USP15: variants seen among roughly 807,000 people sequenced by gnomAD.
USP15 encodes ubiquitin carboxyl-terminal hydrolase 15.
Under a neutral mutation model 127.1 loss-of-function variants are expected in USP15, and 18 were observed. That is an observed-to-expected ratio of 0.14 (90% CI 0.10 to 0.21). The LOEUF is 0.21. USP15 is among the 10% of genes least tolerant of loss of function. The pLI is 1.00. For missense variants in USP15, 805 were observed against 1,159.9 expected, an observed-to-expected ratio of 0.69 and a Z score of 4.44; for synonymous variants, 364 against 393.7, an observed-to-expected ratio of 0.92 and a Z score of 0.89.
intron 1 of USP15, among the ~76,000 whole-genome samples, chr12:62,280,949 A>G (rs973837866): frequency 6.6e-6 from 1 of 152,218 alleles, no homozygotes; most frequent in African/African-American, 2.4e-5. Flanking sequence ...TAATGACTTT[A>G]AGTCCATAAA....
chr12:62,330,544 C>T (rs904775883), intron 6 of USP15, among the ~76,000 whole-genome samples: 1 of 150,418 alleles, frequency 6.6e-6, no homozygotes, highest in Non-Finnish European at 1.5e-5. Flanking sequence ...CAAGATCACA[C>T]CACTACACCC....
chr12:62,337,255 TCTGCTTGATAG>T (rs2065495599), intron 6 of USP15, among the ~76,000 whole-genome samples: 1 of 152,152 alleles, frequency 6.6e-6, no homozygotes, highest in Non-Finnish European at 1.5e-5. Flanking sequence ...TCAGAAAACC[TCTGCTTGATAG>T]CTGTATTAGT....
At chr12:62,266,809 A>G (rs1399084603) in intron 1 of USP15, among the ~76,000 whole-genome samples, 2 of 152,122 alleles carry the variant, frequency 1.3e-5, no homozygotes, top group African/African-American at 2.4e-5. Flanking sequence ...CTACCAGCGG[A>G]CATTTATTAA....
At position 62,336,571 on chromosome 12, in the gene USP15, G is replaced by A. The variant is rs755876793; in HGVS notation, c.683+10638G>A. 1.5e-4 allele frequency: 120 copies of A among 807,112 alleles called. No individual in the cohort carries two copies. The African/African-American group carries it at 1.6e-3, about 10-fold the overall frequency. The allele number at this position is 807,112 out of a possible 1,614,324, so 50.0% of individuals were successfully genotyped here. On this transcript the variant is annotated intron_variant, in intron 6 of 21. Transcript: ENST00000280377. ...ATAGCTGTTAATATTTGTCATATTC[G>A]AAATTGAAATAAGATTTTAAGGTAT...
rs2068009746 is a variant in USP15 at position 62,410,386 on chromosome 12, G to A, written c.*6011G>A. On this transcript the variant is annotated 3_prime_UTR_variant, in exon 22 of 22. Coordinates refer to ENST00000280377, the MANE Select transcript of USP15 (RefSeq NM_001252078.2). ...CCTTATTTTAAAAAACAAAAAAAAA[G>A]TAAAGATGGGAAAATTACTTATAGT... 1 of 151,882 alleles carries A rather than the reference G, an allele frequency of 6.6e-6. No homozygotes were observed. Among genetic ancestry groups the A allele is most frequent in the Admixed American group, 6.6e-5 (1 of 15,232 alleles). 9.4% of individuals were successfully genotyped at this position (151,882 alleles called of 1,614,324 possible). A position where few individuals can be genotyped will look rare whatever the true frequency, so the allele number is the denominator to read the frequency against.
chr12:62,370,117 A>G lies in USP15; in HGVS notation c.916-11373A>G, dbSNP rs1472664388. On this transcript the variant is annotated intron_variant, in intron 8 of 21. Coordinates refer to ENST00000280377, the MANE Select transcript of USP15 (RefSeq NM_001252078.2). ...AGCCTCCCGAGTAGCTGGGACCACAAGCGTGCACCACCACTCCCGGCTAAT... is the reference window on the plus strand; with the variant it reads ...AGCCTCCCGAGTAGCTGGGACCACAGGCGTGCACCACCACTCCCGGCTAAT... Among the ~76,000 whole-genome samples, 5 of 152,102 alleles carry G rather than the reference A, an allele frequency of 3.3e-5. No individual in the cohort carries two copies. The East Asian group carries it at 9.7e-4, about 29-fold the overall frequency.
intron 2 of USP15, among the ~76,000 whole-genome samples, chr12:62,302,515 G>C (rs2064347528): frequency 6.6e-6 from 1 of 152,106 alleles, no homozygotes; most frequent in Non-Finnish European, 1.5e-5. Flanking sequence ...GGATGGCTTT[G>C]AATACAGCCA....
chr12:62,286,578 A>G (rs2063793976), intron 1 of USP15, among the ~76,000 whole-genome samples: 1 of 152,208 alleles, frequency 6.6e-6, no homozygotes, highest in Admixed American at 6.5e-5. Context: ...TTATCACAGT[A>G]CTGTTCACAA....
intron 1 of USP15, among the ~76,000 whole-genome samples, chr12:62,261,454 C>A (rs185771088): frequency 5.5e-4 from 84 of 152,306 alleles, no homozygotes; most frequent in Non-Finnish European, 9.3e-4. Flanking sequence ...TCACTTTCCA[C>A]TGTTACCATA....
intron 6 of USP15, among the ~76,000 whole-genome samples, chr12:62,338,389 T>C (rs976891072): frequency 6.6e-6 from 1 of 152,224 alleles, no homozygotes; most frequent in Non-Finnish European, 1.5e-5. Flanking sequence ...CTTTGTCAGA[T>C]GGATAGATTG....
At chr12:62,331,822 C>T (rs1215375418) in intron 6 of USP15, among the ~76,000 whole-genome samples, 1 of 152,110 alleles carries the variant, frequency 6.6e-6, no homozygotes, top group Non-Finnish European at 1.5e-5. Context: ...CCTAAAACAA[C>T]TCAAAGTCTG....
At chr12:62,312,565 G>A (rs1349969790) in intron 3 of USP15, among the ~76,000 whole-genome samples, 1 of 151,488 alleles carries the variant, frequency 6.6e-6, no homozygotes, top group Non-Finnish European at 1.5e-5. Flanking sequence ...TTTGGACAAG[G>A]AGCCAGATTT....
intron 6 of USP15, among the ~76,000 whole-genome samples, chr12:62,328,969 GA>G (rs34369523): frequency 5.9e-5 from 9 of 151,560 alleles, no homozygotes; most frequent in African/African-American, 1.7e-4. Context: ...TGGCTATTTG[GA>G]AAAAAAAGCT....
chr12:62,404,177 T>A lies in USP15; in HGVS notation c.2764-16T>A, dbSNP rs200633533. On this transcript the variant is annotated splice_polypyrimidine_tract_variant and intron_variant, in intron 21 of 21. Coordinates refer to ENST00000280377, the MANE Select transcript of USP15 (RefSeq NM_001252078.2). ...TTTGAGAATCATAACTGTTTTAACATCCTTTGTTTTGACAGTCCAAAGCAG... is the reference window on the plus strand; with the variant it reads ...TTTGAGAATCATAACTGTTTTAACAACCTTTGTTTTGACAGTCCAAAGCAG... 6 of 1,582,434 alleles carry A rather than the reference T, an allele frequency of 3.8e-6. No individual in the cohort carries two copies. In the African/African-American group the frequency reaches 6.8e-5, roughly 18 times the overall value.
rs140726996 is a variant in USP15 at position 62,336,931 on chromosome 12, A to G, written c.683+10998A>G. Among the ~76,000 whole-genome samples the G allele has an allele frequency of 2.4e-4, 37 of 152,382 alleles. No individual in the cohort carries two copies. The East Asian group carries it at 4.8e-3, about 20-fold the overall frequency. On this transcript the variant is annotated intron_variant, in intron 6 of 21. Coordinates refer to ENST00000280377, the MANE Select transcript of USP15 (RefSeq NM_001252078.2). ...AAGTTAAATGATAGAATCTGAAACC[A>G]TATCAATGAACCTTTTATAGTATTA...
intron 3 of USP15, 82 bp downstream of exon 3, chr12:62,303,002 G>C (rs571166890): frequency 6.8e-6 from 10 of 1,473,232 alleles, no homozygotes; most frequent in African/African-American, 1.4e-5. Flanking sequence ...GAATTGTGAA[G>C]TTTCATCACT....
At chr12:62,388,735 A>T (rs1309794408) in intron 11 of USP15, among the ~76,000 whole-genome samples, 1 of 152,220 alleles carries the variant, frequency 6.6e-6, no homozygotes, top group Non-Finnish European at 1.5e-5. Flanking sequence ...AGAAAACAAG[A>T]GTTAAAAGGA....
intron 1 of USP15, among the ~76,000 whole-genome samples, chr12:62,291,041 C>T (rs1375071315): frequency 6.6e-6 from 1 of 152,168 alleles, no homozygotes; most frequent in Non-Finnish European, 1.5e-5. Context: ...CTTGCTGAGA[C>T]CACACAGTCT....
rs1208929698 is a variant in USP15 at position 62,404,621 on chromosome 12, C to T, written c.*246C>T. 1 of 280,834 alleles carries T rather than the reference C, an allele frequency of 3.6e-6. No individual in the cohort carries two copies. Among genetic ancestry groups the T allele is most frequent in the Non-Finnish European group, 6.1e-6 (1 of 163,964 alleles). The allele number at this position is 280,834 out of a possible 1,614,324, so 17.4% of individuals were successfully genotyped here. On this transcript the variant is annotated 3_prime_UTR_variant, in exon 22 of 22. Transcript: ENST00000280377. Reference sequence around the variant, plus strand: ...CAAGCTAAATATATATAGGAAATCACAAATAAATCCCTTTTAAGTTTGCTG... The same window carrying T: ...CAAGCTAAATATATATAGGAAATCATAAATAAATCCCTTTTAAGTTTGCTG...
Sources: allele counts gnomAD v4.1 joint callset (sites outside exome capture counted in the v4.1 genomes callset), GRCh38; gene constraint gnomAD v4.1.1; transcripts MANE v1.5; gene names NCBI Gene and HGNC (gene_info 2026-07-23, HGNC 2026-07-21).